The following ANKS1B variants were observed in gnomAD, a reference collection of about 807,000 sequenced individuals.
The protein encoded by ANKS1B is ankyrin repeat and sterile alpha motif domain containing 1B, also known as ankyrin repeat and sterile alpha motif domain-containing protein 1B.
Under a neutral mutation model 148.3 loss-of-function variants are expected in ANKS1B, and 36 were observed. The observed-to-expected ratio is 0.24, with a 90% CI of 0.19 to 0.32. ANKS1B has a LOEUF of 0.32. Ranked by LOEUF, ANKS1B falls within the 10% of genes least tolerant of loss-of-function variation. The pLI is 1.00. For missense variants in ANKS1B, 1,157 were observed against 1,542.6 expected (o/e 0.75, Z 4.19); for synonymous variants, 542 against 560.8 (o/e 0.97, Z 0.47).
At chr12:99,414,575 A>T (rs999749246) in intron 11 of ANKS1B, among the ~76,000 whole-genome samples, 3 of 152,152 alleles carry the variant, frequency 2.0e-5, no homozygotes, top group Non-Finnish European at 4.4e-5. Flanking sequence ...GCAAACTAAC[A>T]CAGGAACAGA....
chr12:99,531,436 C>T (rs1415222760), intron 9 of ANKS1B, among the ~76,000 whole-genome samples: 1 of 152,128 alleles, frequency 6.6e-6, no homozygotes, highest in Non-Finnish European at 1.5e-5. Flanking sequence ...AACTTAGCTT[C>T]CAATTATAAG....
At chr12:99,872,608 T>C (rs190177006) in intron 1 of ANKS1B, among the ~76,000 whole-genome samples, 20 of 152,240 alleles carry the variant, frequency 1.3e-4, no homozygotes, top group Non-Finnish European at 2.4e-4. Flanking sequence ...CCTTAGTAAA[T>C]GTAAGTATGT....
chr12:99,833,665 GC>G (rs758136344), intron 1 of ANKS1B, among the ~76,000 whole-genome samples: 41 of 152,178 alleles, frequency 2.7e-4, no homozygotes, highest in South Asian at 1.5e-3. Flanking sequence ...AGTACCTCAG[GC>G]AAAAAATGGA....
In ANKS1B at chr12:98,736,275, AG is replaced by A. The variant is rs553643520; in HGVS notation, c.691-642del. On this transcript the variant is annotated intron_variant, in intron 9 of 9. Transcript: ENST00000341752. ...GGACAAAATGAAGGTGGGCCAGACT[AG>A]GGTGGCAGCAGCAGAGCTTGTGACA... Among the ~76,000 whole-genome samples the A allele has an allele frequency of 1.3e-3, 192 of 152,356 alleles. 1 individual carries two copies. The highest frequency in any genetic ancestry group is 2.5e-3 in the Non-Finnish European group (171 of 68,034).
intron 22 of ANKS1B, among the ~76,000 whole-genome samples, chr12:98,792,247 A>C (rs934966460): frequency 3.3e-5 from 5 of 152,232 alleles, no homozygotes; most frequent in African/African-American, 1.2e-4. Context: ...TATATCAGGA[A>C]GGCAGATTTC....
chr12:99,183,973 A>T (rs926129741), intron 14 of ANKS1B, among the ~76,000 whole-genome samples: 2 of 152,344 alleles, frequency 1.3e-5, no homozygotes, highest in African/African-American at 4.8e-5. Flanking sequence ...TTTCATATAA[A>T]TCAAATATAC....
chr12:99,489,309 T>C (rs186255186), intron 10 of ANKS1B, among the ~76,000 whole-genome samples: 376 of 151,018 alleles, frequency 2.5e-3, no homozygotes, highest in Admixed American at 5.9e-3. Context: ...ATATAAAAAC[T>C]ATGCACAGCA....
intron 10 of ANKS1B, among the ~76,000 whole-genome samples, chr12:99,501,562 T>A (rs2096656178): frequency 6.6e-6 from 1 of 152,174 alleles, no homozygotes; most frequent in Non-Finnish European, 1.5e-5. Flanking sequence ...TCACAAAAAA[T>A]CATCTTTCCT....
At chr12:98,867,527 T>G (rs2099630761) in intron 17 of ANKS1B, among the ~76,000 whole-genome samples, 1 of 152,222 alleles carries the variant, frequency 6.6e-6, no homozygotes, top group African/African-American at 2.4e-5. Context: ...CATCTTCATT[T>G]CTTTCATAAA....
In ANKS1B at chr12:98,918,945, A is replaced by G. The variant is rs116225245; in HGVS notation, c.2779-86809T>C. Among the ~76,000 whole-genome samples, 521 of 152,362 alleles carry G rather than the reference A, an allele frequency of 3.4e-3. 7 individuals carry two copies. The highest frequency in any genetic ancestry group is 9.9e-3 in the African/African-American group (410 of 41,594). On this transcript the variant is annotated intron_variant, in intron 17 of 26. Transcript: ENST00000683438. ...TGTATGAGAAATCAATAAAATTTAT[A>G]TAACAAGACCAATACTCACTGACAT...
At chr12:99,097,972 T>C (rs1046176461) in intron 15 of ANKS1B, among the ~76,000 whole-genome samples, 2 of 152,180 alleles carry the variant, frequency 1.3e-5, no homozygotes, top group Non-Finnish European at 2.9e-5. Context: ...TGCACTTACA[T>C]AATGGTGAGG....
intron 14 of ANKS1B, among the ~76,000 whole-genome samples, chr12:99,184,387 T>C (rs930517686): frequency 6.6e-6 from 1 of 152,116 alleles, no homozygotes; most frequent in African/African-American, 2.4e-5. Flanking sequence ...GGAGGTACAG[T>C]TTAGCTCCAT....
intron 11 of ANKS1B, among the ~76,000 whole-genome samples, chr12:99,404,361 A>G (rs1025838466): frequency 6.8e-6 from 1 of 146,188 alleles, no homozygotes; most frequent in Non-Finnish European, 1.5e-5. Context: ...ATGAGAACAA[A>G]GAAGCTGCTT....
At chr12:98,833,252 C>T (rs983792069) in intron 17 of ANKS1B, among the ~76,000 whole-genome samples, 4 of 152,188 alleles carry the variant, frequency 2.6e-5, no homozygotes, top group African/African-American at 9.7e-5. Context: ...GTGGTTAAGT[C>T]ACCTACCCAA....
downstream of ANKS1B, among the ~76,000 whole-genome samples, chr12:98,740,868 C>T (rs2097794954): frequency 6.6e-6 from 1 of 152,198 alleles, no homozygotes. Flanking sequence ...ATGCTTCCAT[C>T]CTATGGTCCT....
chr12:99,684,499 C>T (rs1004234598), intron 8 of ANKS1B, among the ~76,000 whole-genome samples: 1 of 151,850 alleles, frequency 6.6e-6, no homozygotes, highest in African/African-American at 2.4e-5. Flanking sequence ...ACTGGAAATA[C>T]ATCACATGCT....
At chr12:98,970,461 T>C (rs768368567) in intron 17 of ANKS1B, among the ~76,000 whole-genome samples, 1 of 152,212 alleles carries the variant, frequency 6.6e-6, no homozygotes, top group Non-Finnish European at 1.5e-5. Flanking sequence ...CAATATCTGT[T>C]CAGTGACTGC....
chr12:98,758,551 CACAGAG>C (rs1313937651), intron 25 of ANKS1B, among the ~76,000 whole-genome samples: 3 of 152,120 alleles, frequency 2.0e-5, no homozygotes, highest in Non-Finnish European at 4.4e-5. Flanking sequence ...TTCGTGACTC[CACAGAG>C]ACCATCAACA....
At chr12:98,912,990 C>CT (rs776126807) in intron 17 of ANKS1B, among the ~76,000 whole-genome samples, 14 of 152,090 alleles carry the variant, frequency 9.2e-5, no homozygotes, top group Non-Finnish European at 1.8e-4. Context: ...ATTAGAATAC[C>CT]TTTAGACAGG....
Sources: allele counts gnomAD v4.1 joint callset (sites outside exome capture counted in the v4.1 genomes callset), GRCh38; gene constraint gnomAD v4.1.1; transcripts MANE v1.5; gene names NCBI Gene and HGNC (gene_info 2026-07-23, HGNC 2026-07-21).